PRR14L: variants seen among roughly 807,000 people sequenced by gnomAD.
The protein encoded by PRR14L is proline rich 14 like.
In PRR14L, 80 loss-of-function variants were observed where a neutral mutation model predicts 155.0. That is an observed-to-expected ratio of 0.52 (90% confidence interval 0.43 to 0.62). The LOEUF is 0.62. Among genes scored for constraint, PRR14L ranks in the 20% least tolerant of loss-of-function variants. The pLI is 0.00. For synonymous variants in PRR14L, 883 were observed against 916.0 expected (o/e 0.96, Z 0.65); for missense variants, 2,469 against 2,548.0 (o/e 0.97, Z 0.67).
chr22:31,712,057 T>C, intron 4 of PRR14L, 26 bp downstream of exon 4: 1 of 1,563,412 alleles, frequency 6.4e-7, no homozygotes, highest in Non-Finnish European at 8.6e-7. Context: ...ATGGGACATT[T>C]GTAAAGAACA....
In PRR14L at chr22:31,715,592, T is replaced by G; in HGVS notation, c.2247A>C (p.Ser749=). The G allele has an allele frequency of 6.4e-7, 1 of 1,552,060 alleles. No individual in the cohort carries two copies. Among genetic ancestry groups the G allele is most frequent in the South Asian group, 1.2e-5 (1 of 84,068 alleles). Residue 749 remains serine, a synonymous_variant, in exon 4 of 9, where the codon TCA becomes TCC. Coordinates refer to ENST00000327423, the MANE Select transcript of PRR14L (RefSeq NM_173566.3). ...GCCTGGAATGTAGAGCTTTTGTTCC[T>G]GAATCAGCCATTTCCTTTTTTCTCT... ...SLERKKEMAD[S]GTKALHSRLR...
chr22:31,715,561 AGC>A lies in PRR14L; in HGVS notation c.2276_2277del (p.Arg759LeufsTer3). On this transcript the variant is annotated frameshift_variant, in exon 4 of 9. Coordinates refer to ENST00000327423, the MANE Select transcript of PRR14L (RefSeq NM_173566.3). LOFTEE classifies it high-confidence loss of function. ...AAGCCAGCTGCTTCTCTCTTATTTG[AGC>A]GCAGCCTGGAATGTAGAGCTTTTGT... ...SGTKALHSRLRSNKREAAGFP... is the reference protein window; with the variant it reads ...SGTKALHSRLXSNKREAAGFP... The A allele has an allele frequency of 6.4e-7, 1 of 1,552,036 alleles. No homozygotes were observed. Among genetic ancestry groups the A allele is most frequent in the Non-Finnish European group, 8.7e-7 (1 of 1,147,066 alleles).
intron 2 of PRR14L, among the ~76,000 whole-genome samples, chr22:31,730,165 C>T (rs866440258): frequency 2.0e-5 from 3 of 150,480 alleles, no homozygotes; most frequent in South Asian, 4.2e-4. Context: ...AATCGCCGGG[C>T]GCTGTGGCTC....
chr22:31,691,495 A>G (rs939560425), intron 7 of PRR14L, among the ~76,000 whole-genome samples: 2 of 152,172 alleles, frequency 1.3e-5, no homozygotes, highest in Non-Finnish European at 2.9e-5. Flanking sequence ...AGCTGGGATT[A>G]TAGGAATGAA....
In PRR14L at chr22:31,712,709, C is replaced by A. The variant is rs1403632655; in HGVS notation, c.5130G>T (p.Leu1710=). 6.4e-7 allele frequency: 1 copy of A among 1,551,694 alleles called. No individual in the cohort carries two copies. The highest frequency in any genetic ancestry group is 8.7e-7 in the Non-Finnish European group (1 of 1,147,004). ...CTGGGAAGATTTCAGAACCAAACAG[C>A]AGGGACGGCATCTTGTTGCTCAAAT... is the stretch of plus-strand genomic sequence containing the variant. ...FIDLSNKMPS[L]LFGSEIFPVS... Residue 1710 remains leucine, a synonymous_variant, in exon 4 of 9, where the codon CTG becomes CTT. Transcript: ENST00000327423.
Position 31,716,975 on chromosome 22 carries a change from G to A in PRR14L, c.864C>T (p.Ala288=). The change falls in exon 4 of 9, where the codon GCC becomes GCT. Residue 288 remains alanine, a synonymous_variant. Transcript: ENST00000327423. ...CCTTCCCATTGTCCACATTAGAAAT[G>A]GCACTGTTTCCTGGTAATGACAACC... ...CPWLSLPGNS[A]ISNVDNGKEE... 6.4e-7 allele frequency: 1 copy of A among 1,551,762 alleles called. No homozygotes were observed. Among genetic ancestry groups the A allele is most frequent in the Non-Finnish European group, 8.7e-7 (1 of 1,146,904 alleles).
At position 31,701,694 on chromosome 22, in the gene PRR14L, A is replaced by T; in HGVS notation, c.6069T>A (p.Asp2023Glu). The change falls in exon 7 of 9, where the codon GAT (aspartate) becomes GAA (glutamate). Residue 2023 changes from aspartate (D) to glutamate (E), a missense_variant. Asp to Glu is a conservative substitution (Grantham distance 45, BLOSUM62 2). Coordinates refer to ENST00000327423, the MANE Select transcript of PRR14L (RefSeq NM_173566.3). ...GAAGGCCCATGGGGGTAAGATTAGG[A>T]TCTGGCCTAGGAATGGTTTTCCGGA... ...IRIRKTIPRPDPNLTPMGLPR... is the reference protein window; with the variant it reads ...IRIRKTIPRPEPNLTPMGLPR... 6.2e-7 allele frequency: 1 copy of T among 1,614,082 alleles called. No individual in the cohort carries two copies. Among genetic ancestry groups the T allele is most frequent in the South Asian group, 1.1e-5 (1 of 91,074 alleles).
intron 2 of PRR14L, among the ~76,000 whole-genome samples, chr22:31,731,872 C>T (rs772666183): frequency 7.2e-5 from 11 of 152,086 alleles, no homozygotes; most frequent in Non-Finnish European, 1.5e-4. Context: ...GCTACCCTCC[C>T]CATTGGTTTT....
Position 31,713,548 on chromosome 22 carries a change from G to C in PRR14L, c.4291C>G (p.Gln1431Glu). ...SSLLLDDAQN[Q>E]NQPKADKDES... Reference sequence around the variant, plus strand: ...TCTTTGTCAGCCTTCGGTTGGTTCTGATTTTGTGCATCATCTAACAACAGA... The same window carrying C: ...TCTTTGTCAGCCTTCGGTTGGTTCTCATTTTGTGCATCATCTAACAACAGA... The change falls in exon 4 of 9, where the codon CAG (glutamine) becomes GAG (glutamate). Residue 1431 changes from glutamine (Q) to glutamate (E), a missense_variant. By Grantham distance (29) the Gln-to-Glu change is conservative. Transcript: ENST00000327423. The C allele has an allele frequency of 6.4e-7, 1 of 1,552,078 alleles. No individual in the cohort carries two copies. The highest frequency in any genetic ancestry group is 2.4e-5 in the East Asian group (1 of 40,926).
rs913125337 is a variant in PRR14L, at chr22:31,684,459, T to C, written c.*1068A>G. ...AGCCGTTGTACTCAATTTTGTTACCTAACACCATTTCAGATAAAAACCATT... is the reference window on the plus strand; with the variant it reads ...AGCCGTTGTACTCAATTTTGTTACCCAACACCATTTCAGATAAAAACCATT... On this transcript the variant is annotated 3_prime_UTR_variant, in exon 9 of 9. Transcript: ENST00000327423. 2 of 152,226 alleles carry C rather than the reference T, an allele frequency of 1.3e-5. No homozygotes were observed. Among genetic ancestry groups the C allele is most frequent in the African/African-American group, 4.8e-5 (2 of 41,464 alleles). 9.4% of individuals were successfully genotyped at this position (152,226 alleles called of 1,614,324 possible). A position where few individuals can be genotyped will look rare whatever the true frequency, so the allele number is the denominator to read the frequency against.
In PRR14L at chr22:31,715,344, T is replaced by C. The variant is rs2074650838; in HGVS notation, c.2495A>G (p.Asp832Gly). 1 of 1,552,006 alleles carries C rather than the reference T, an allele frequency of 6.4e-7. No homozygotes were observed. The highest frequency in any genetic ancestry group is 8.7e-7 in the Non-Finnish European group (1 of 1,147,092). ...TKYENAFQHR[D>G]HCCQGTGHSV... ...GTGTCCTGTTCCTTGGCAGCAGTGA[T>C]CACGGTGCTGAAATGCATTTTCATA... The change falls in exon 4 of 9, where the codon GAT becomes GGT. Residue 832 changes from aspartate to glycine, a missense_variant. By Grantham distance (94) the Asp-to-Gly change is moderately conservative. Around this residue, in one of 2 missense-constraint regions of PRR14L, gnomAD observed 2,363 missense variants for 2,371.6 expected, o/e 1.00. Transcript: ENST00000327423.
chr22:31,749,848 A>G (rs2074862851), intron 1 of PRR14L, 145 bp downstream of exon 1: 1 of 152,258 alleles, frequency 6.6e-6, no homozygotes. Context: ...TCCGCCGCCC[A>G]CAGGGCAGCC....
At chr22:31,749,037 T>C (rs1307415387) in intron 1 of PRR14L, among the ~76,000 whole-genome samples, 1 of 152,200 alleles carries the variant, frequency 6.6e-6, no homozygotes, top group East Asian at 1.9e-4. Flanking sequence ...CTGTGCAAGA[T>C]ATTAGTTTTC....
Position 31,713,451 on chromosome 22 carries a change from T to C in PRR14L, c.4388A>G (p.Lys1463Arg). Residue 1463 changes from lysine to arginine, a missense_variant, in exon 4 of 9, where the codon AAG (lysine) becomes AGG (arginine). Lys to Arg is a conservative substitution (Grantham distance 26). Transcript: ENST00000327423. ...AKDSIVAQTQKLEDQKEERLH... is the reference protein window; with the variant it reads ...AKDSIVAQTQRLEDQKEERLH... ...CCTTTCCTCCTTCTGGTCTTCTAAC[T>C]TCTGAGTCTGTGCCACAATGCTGTC... 1.3e-6 allele frequency: 2 copies of C among 1,551,960 alleles called. No individual in the cohort carries two copies. The highest frequency in any genetic ancestry group is 3.3e-4 in the Middle Eastern group (2 of 5,994).
rs563472206 is a variant in PRR14L at position 31,704,809 on chromosome 22, C to G, written c.5757-83G>C. On this transcript the variant is annotated intron_variant, in intron 4 of 8. Coordinates refer to ENST00000327423, the MANE Select transcript of PRR14L (RefSeq NM_173566.3). The stretch of plus-strand genomic sequence containing the variant: ...GTTTTGATGTTATTGTGGGTATTAG[C>G]ACATGATAGCCCCAAGAAGACAAGA... 86 of 975,428 alleles carry G rather than the reference C, an allele frequency of 8.8e-5. No individual in the cohort carries two copies. The South Asian group carries it at 1.2e-3, about 13-fold the overall frequency. 60.4% of individuals were successfully genotyped at this position (975,428 alleles called of 1,614,324 possible). A position where few individuals can be genotyped will look rare whatever the true frequency, so the allele number is the denominator to read the frequency against.
chr22:31,722,911 C>T (rs915584474), intron 3 of PRR14L, among the ~76,000 whole-genome samples: 1 of 152,164 alleles, frequency 6.6e-6, no homozygotes, highest in Admixed American at 6.5e-5. Context: ...AAAATGCTGG[C>T]CACACTACAG....
intron 3 of PRR14L, among the ~76,000 whole-genome samples, chr22:31,718,299 A>T (rs1215227695): frequency 3.4e-5 from 5 of 148,442 alleles, no homozygotes; most frequent in Non-Finnish European, 5.9e-5. Flanking sequence ...TTTGTCGCCC[A>T]GGCTGGAGTG....
chr22:31,697,384 A>C (rs2074540483), intron 7 of PRR14L, among the ~76,000 whole-genome samples: 1 of 152,066 alleles, frequency 6.6e-6, no homozygotes. Flanking sequence ...AGGAGTTGTC[A>C]GAGTGACTTT....
chr22:31,738,577 A>G lies in PRR14L; in HGVS notation c.284T>C (p.Val95Ala). 1.3e-6 allele frequency: 2 copies of G among 1,552,028 alleles called. No homozygotes were observed. The highest frequency in any genetic ancestry group is 1.7e-6 in the Non-Finnish European group (2 of 1,147,082). Residue 95 changes from valine to alanine, a missense_variant, in exon 2 of 9, where the codon GTG (valine) becomes GCG (alanine). Coordinates refer to ENST00000327423, the MANE Select transcript of PRR14L (RefSeq NM_173566.3). The stretch of plus-strand genomic sequence containing the variant: ...CACAGAACCTCCTGCTGTGGAGTCC[A>G]CTAGCCCACATCGCCCAGGCTCACT... ...HGSEPGRCGLVDSTAGGSVAS... is the reference protein window; with the variant it reads ...HGSEPGRCGLADSTAGGSVAS...
Sources: allele counts gnomAD v4.1 joint callset (sites outside exome capture counted in the v4.1 genomes callset), GRCh38; gene constraint gnomAD v4.1.1; regional missense constraint gnomAD v4.1.1; transcripts MANE v1.5; gene names NCBI Gene and HGNC (gene_info 2026-07-23, HGNC 2026-07-21).